The following ZFAND3 variants were observed in gnomAD, a reference collection of about 807,000 sequenced individuals.
ZFAND3 encodes the protein zinc finger AN1-type containing 3.
Under a neutral mutation model 29.6 loss-of-function variants are expected in ZFAND3, and 10 were observed. The observed-to-expected ratio is 0.34, with a 90% CI of 0.21 to 0.57. The LOEUF is 0.57. Ranked by LOEUF, ZFAND3 falls within the 20% of genes least tolerant of loss-of-function variation. The pLI is 0.86. For synonymous variants in ZFAND3, 128 were observed against 112.6 expected, an observed-to-expected ratio of 1.14 and a Z score of -0.87; for missense variants, 230 against 304.5, an observed-to-expected ratio of 0.76 and a Z score of 1.82.
At chr6:38,041,380 C>G (rs1763756051) in intron 2 of ZFAND3, among the ~76,000 whole-genome samples, 1 of 151,920 alleles carries the variant, frequency 6.6e-6, no homozygotes, top group African/African-American at 2.4e-5. Context: ...CTATTGATGA[C>G]TTTTGTTAAC....
At chr6:37,977,000 C>A (rs1411022001) in intron 2 of ZFAND3, among the ~76,000 whole-genome samples, 1 of 152,120 alleles carries the variant, frequency 6.6e-6, no homozygotes, top group East Asian at 1.9e-4. Context: ...ACTTTAGATA[C>A]CTTTTATGGT....
chr6:37,865,301 GTTGTA>G (rs201320146), intron 1 of ZFAND3, among the ~76,000 whole-genome samples: 12 of 152,296 alleles, frequency 7.9e-5, no homozygotes, highest in South Asian at 2.1e-4. Context: ...ATAAATAGTT[GTTGTA>G]TTGTTTTGTT....
At chr6:37,839,555 G>A (rs892184649) in intron 1 of ZFAND3, among the ~76,000 whole-genome samples, 18 of 126,448 alleles carry the variant, frequency 1.4e-4, no homozygotes, top group Middle Eastern at 5.9e-3. Context: ...TCGCTCTGTC[G>A]CCAGGCTGGA....
chr6:37,906,550 G>A (rs2127402857), intron 1 of ZFAND3, among the ~76,000 whole-genome samples: 1 of 152,156 alleles, frequency 6.6e-6, no homozygotes, highest in African/African-American at 2.4e-5. Flanking sequence ...TATACACGTG[G>A]GTGTGGAATT....
At chr6:38,100,964 T>A (rs1227586176) in intron 4 of ZFAND3, among the ~76,000 whole-genome samples, 1 of 152,236 alleles carries the variant, frequency 6.6e-6, no homozygotes, top group African/African-American at 2.4e-5. Context: ...CTTCAGTGTG[T>A]AATTCTTAAA....
At chr6:37,964,582 T>A (rs1178051143) in intron 2 of ZFAND3, among the ~76,000 whole-genome samples, 1 of 152,202 alleles carries the variant, frequency 6.6e-6, no homozygotes, top group African/African-American at 2.4e-5. Flanking sequence ...TGGATCCCAA[T>A]GAGACGTATG....
intron 2 of ZFAND3, among the ~76,000 whole-genome samples, chr6:38,012,544 A>G (rs1261192543): frequency 1.3e-5 from 2 of 151,710 alleles, no homozygotes; most frequent in Non-Finnish European, 2.9e-5. Context: ...ACGCCTGGCT[A>G]ATTTTTGTGT....
intron 2 of ZFAND3, among the ~76,000 whole-genome samples, chr6:37,970,103 G>A (rs928703855): frequency 1.3e-5 from 2 of 151,818 alleles, no homozygotes; most frequent in African/African-American, 2.4e-5. Context: ...ACTCCAGTTT[G>A]GGTGACAGAG....
At chr6:38,081,304 C>T (rs897383078) in intron 3 of ZFAND3, among the ~76,000 whole-genome samples, 6 of 152,042 alleles carry the variant, frequency 3.9e-5, no homozygotes, top group African/African-American at 1.4e-4. Context: ...TTCTTACACT[C>T]ACTAAGGGTT....
At chr6:38,095,317 C>CT (rs1288235816) in intron 4 of ZFAND3, among the ~76,000 whole-genome samples, 2 of 152,168 alleles carry the variant, frequency 1.3e-5, no homozygotes, top group Admixed American at 6.5e-5. Context: ...CAAATTGATC[C>CT]TTTATTATAT....
At chr6:37,909,620 CT>C (rs34105026) in intron 1 of ZFAND3, among the ~76,000 whole-genome samples, 45,902 of 122,900 alleles carry the variant, frequency 0.37, 7,863 homozygotes, top group Non-Finnish European at 0.46. Flanking sequence ...GTTCAGAATT[CT>C]TTTTTTTTTT....
intron 2 of ZFAND3, among the ~76,000 whole-genome samples, chr6:38,042,750 T>C (rs1561977693): frequency 6.6e-6 from 1 of 152,200 alleles, no homozygotes; most frequent in South Asian, 2.1e-4. Context: ...TTCACAACTA[T>C]CTGAATGGTT....
intron 1 of ZFAND3, among the ~76,000 whole-genome samples, chr6:37,926,147 G>A (rs1761479645): frequency 6.6e-6 from 1 of 152,192 alleles, no homozygotes. Flanking sequence ...TGTGAAGAGT[G>A]TTCCGGAAAG....
At chr6:37,900,689 G>A (rs1310155742) in intron 1 of ZFAND3, among the ~76,000 whole-genome samples, 4 of 152,108 alleles carry the variant, frequency 2.6e-5, no homozygotes, top group Non-Finnish European at 4.4e-5. Flanking sequence ...TATGTTCCAG[G>A]TAGCGGAAAT....
chr6:38,118,503 T>C (rs1339439110), intron 5 of ZFAND3, among the ~76,000 whole-genome samples: 1 of 151,906 alleles, frequency 6.6e-6, no homozygotes, highest in African/African-American at 2.4e-5. Context: ...TTCCTGAACC[T>C]TCTGTTCTTG....
chr6:37,883,832 G>A lies in ZFAND3; in HGVS notation c.72-46127G>A, dbSNP rs1385929048. ...TGGGATTACAGGCGTGAGCCGCCGT[G>A]CCCGGCTTGATGGATACCTTTTCAT... is the stretch of plus-strand genomic sequence containing the variant. On this transcript the variant is annotated intron_variant, in intron 1 of 5. Transcript: ENST00000287218. Among the ~76,000 whole-genome samples the A allele has an allele frequency of 6.9e-5, 10 of 145,312 alleles. 1 individual carries two copies. The highest frequency in any genetic ancestry group is 2.7e-4 in the Admixed American group (4 of 14,942).
intron 1 of ZFAND3, among the ~76,000 whole-genome samples, chr6:37,874,762 A>C (rs1013532834): frequency 6.6e-6 from 1 of 152,064 alleles, no homozygotes; most frequent in African/African-American, 2.4e-5. Context: ...TTTTGTAGAG[A>C]TGAAGGTCTC....
chr6:37,941,865 G>A (rs1433816078), intron 2 of ZFAND3, among the ~76,000 whole-genome samples: 1 of 152,128 alleles, frequency 6.6e-6, no homozygotes, highest in African/African-American at 2.4e-5. Context: ...CAGTTTGGTT[G>A]AGTTATGGAA....
chr6:37,944,280 C>G (rs910263095), intron 2 of ZFAND3, among the ~76,000 whole-genome samples: 3 of 152,126 alleles, frequency 2.0e-5, no homozygotes, highest in African/African-American at 7.2e-5. Context: ...CTATCTGCAT[C>G]ATTAGTACCT....
Sources: gnomAD v4.1 joint callset for allele counts (sites outside exome capture counted in the v4.1 genomes callset) on GRCh38, gnomAD v4.1.1 for gene constraint, MANE v1.5 for transcripts, NCBI Gene and HGNC (gene_info 2026-07-23, HGNC 2026-07-21) for gene names.